Variants in SYNE1 observed in about 807,000 individuals in gnomAD.
SYNE1 encodes nesprin-1.
SYNE1 carries 616 observed loss-of-function variants against 1,111.0 expected under a neutral mutation model. The observed-to-expected ratio is 0.55, with a 90% CI of 0.52 to 0.59. The LOEUF (loss-of-function observed/expected upper bound fraction) is 0.59. Ranked by LOEUF, SYNE1 falls within the 20% of genes least tolerant of loss-of-function variation. The probability of loss-of-function intolerance (pLI) is 0.00; values close to 1 mark genes in which losing one functional copy is unlikely to be tolerated. For missense variants in SYNE1, 10,006 were observed against 10,417.0 expected, an observed-to-expected ratio of 0.96 and a Z score of 1.72; for synonymous variants, 3,855 against 3,825.8, an observed-to-expected ratio of 1.01 and a Z score of -0.28.
intron 126 of SYNE1, among the ~76,000 whole-genome samples, chr6:152,203,479 A>G (rs2075913053): frequency 1.3e-5 from 2 of 152,188 alleles, no homozygotes; most frequent in Non-Finnish European, 2.9e-5. Flanking sequence ...TACACCGTGA[A>G]TTACAGAATT....
Position 152,536,386 on chromosome 6 carries a change from A to ATT in SYNE1, c.129+3573_129+3574insAA, listed in dbSNP as rs1564709521. ...CTAATATATATATAGTAATATATAT[A>ATT]TATTTATATATATACTATATATAGT... is the stretch of plus-strand genomic sequence containing the variant. On this transcript the variant is annotated intron_variant, in intron 4 of 145. Transcript: ENST00000367255. 1.9e-3 allele frequency among the ~76,000 whole-genome samples: 230 copies of ATT among 120,646 alleles called. 1 individual carries two copies. Among genetic ancestry groups the ATT allele is most frequent in the African/African-American group, 6.2e-3 (212 of 34,326 alleles). The allele number at this position is 120,646 out of a possible 152,430, so 79.1% of individuals were successfully genotyped here.
chr6:152,325,121 T>C lies in SYNE1; in HGVS notation c.15620A>G (p.Glu5207Gly), dbSNP rs774518586. The C allele has an allele frequency of 5.0e-6, 8 of 1,614,080 alleles. No homozygotes were observed. Among genetic ancestry groups the C allele is most frequent in the Middle Eastern group, 1.6e-4 (1 of 6,072 alleles). ...AVAQDQEKIL[E>G]DAVDEWTGFN... Reference sequence around the variant, plus strand: ...GCCCGTCCACTCATCCACTGCATCTTCCAGGATCTTCTCCTGGTCCTGGGC... The same window carrying C: ...GCCCGTCCACTCATCCACTGCATCTCCCAGGATCTTCTCCTGGTCCTGGGC... Residue 5207 changes from glutamate to glycine, a missense_variant, in exon 81 of 146, where the codon GAA becomes GGA. Coordinates refer to ENST00000367255, the MANE Select transcript of SYNE1 (RefSeq NM_182961.4).
rs2097976668 is a variant in SYNE1 at position 152,409,565 on chromosome 6, A to C, written c.6375T>G (p.Phe2125Leu). The C allele has an allele frequency of 6.2e-7, 1 of 1,613,494 alleles. No individual in the cohort carries two copies. Among genetic ancestry groups the C allele is most frequent in the Non-Finnish European group, 8.5e-7 (1 of 1,179,938 alleles). Residue 2125 changes from phenylalanine to leucine, a missense_variant, in exon 43 of 146, where the codon TTT becomes TTG. By Grantham distance (22) the Phe-to-Leu change is conservative. Transcript: ENST00000367255. ...IKDQEDLKWA[F>L]SKHETAKNKM... ...AACACATTTTGAATTTTACCTTGGA[A>C]AAAGCCCATTTAAGATCCTCCTGAT...
At position 152,219,044 on chromosome 6, in the gene SYNE1, C is replaced by T. The variant is rs1029115177; in HGVS notation, c.22003G>A (p.Ala7335Thr). The T allele has an allele frequency of 1.9e-5, 30 of 1,614,128 alleles. No individual in the cohort carries two copies. The highest frequency in any genetic ancestry group is 2.5e-5 in the Non-Finnish European group (29 of 1,180,020). ...DQLSLSQHLC[A>T]LEQALCKQQT... is the part of the protein sequence containing the mutation. ...TGTTTGCAGAGAGCTTGCTCCAGGG[C>T]ACACAAGTGTTGACTCAAAGAGAGT... Residue 7335 changes from alanine (A) to threonine (T), a missense_variant, in exon 120 of 146, where the codon GCC becomes ACC. Ala to Thr is a moderately conservative substitution (Grantham distance 58). Transcript: ENST00000367255.
chr6:152,124,922 T>C (rs2747653), intron 145 of SYNE1, among the ~76,000 whole-genome samples: 30,663 of 152,146 alleles, frequency 0.2, 3,105 homozygotes, highest in Non-Finnish European at 0.21. Flanking sequence ...TCTGAGCATT[T>C]ATGTTGGGTT....
intron 106 of SYNE1, 117 bp from the exon 107 acceptor site, chr6:152,242,557 T>G: frequency 9.3e-7 from 1 of 1,080,952 alleles, no homozygotes; most frequent in Non-Finnish European, 1.4e-6. Context: ...CCTTCAGGGA[T>G]GTGCCTCCTG....
At chr6:152,387,466 C>G in intron 53 of SYNE1, 85 bp from the exon 54 acceptor site, 1 of 1,396,458 alleles carries the variant, frequency 7.2e-7, no homozygotes, top group Non-Finnish European at 1.0e-6. Context: ...ACATCCATGC[C>G]AATTGTTTTA....
rs539247387 is a variant in SYNE1, at chr6:152,258,866, G to A, written c.18973-2101C>T. Among the ~76,000 whole-genome samples, 27 of 151,378 alleles carry A rather than the reference G, an allele frequency of 1.8e-4. 1 individual carries two copies. Among genetic ancestry groups the A allele is most frequent in the South Asian group, 8.4e-4 (4 of 4,774 alleles). ...TTCAAGTGATTCTCCTGTCTCAGCC[G>A]CCTGAATAGCTTGGATTACAGGTGT... is the stretch of plus-strand genomic sequence containing the variant. On this transcript the variant is annotated intron_variant, in intron 101 of 145. Transcript: ENST00000367255.
chr6:152,404,814 A>G (rs1391506055), intron 45 of SYNE1: 2 of 153,622 alleles, frequency 1.3e-5, no homozygotes, highest in East Asian at 3.8e-4. Context: ...TCATTACGAT[A>G]TTGATACATA....
intron 140 of SYNE1, among the ~76,000 whole-genome samples, chr6:152,137,442 C>T (rs1046387117): frequency 2.6e-5 from 4 of 152,072 alleles, no homozygotes; most frequent in African/African-American, 9.7e-5. Context: ...GCTGAGAATA[C>T]TGCCTGTGCC....
intron 51 of SYNE1, among the ~76,000 whole-genome samples, chr6:152,394,726 C>T (rs1440445682): frequency 6.6e-6 from 1 of 151,132 alleles, no homozygotes; most frequent in Non-Finnish European, 1.5e-5. Context: ...GAACTGGAAG[C>T]TGAAATGTGT....
At chr6:152,297,788 TG>T (rs2094952311) in intron 93 of SYNE1, among the ~76,000 whole-genome samples, 2 of 63,094 alleles carry the variant, frequency 3.2e-5, no homozygotes, top group Non-Finnish European at 5.4e-5. Flanking sequence ...ACTCTGTGTG[TG>T]TGTGTGTGTG....
intron 136 of SYNE1, 34 bp downstream of exon 136, chr6:152,149,443 T>C: frequency 6.2e-7 from 1 of 1,613,052 alleles, no homozygotes; most frequent in South Asian, 1.1e-5. Context: ...TCTCTTTAGA[T>C]TTAATGACAA....
intron 40 of SYNE1, among the ~76,000 whole-genome samples, chr6:152,417,661 C>G (rs1365513067): frequency 6.6e-6 from 1 of 151,870 alleles, no homozygotes; most frequent in African/African-American, 2.4e-5. Context: ...TTAATTTTAA[C>G]ATTTTAAAGA....
intron 18 of SYNE1, 120 bp from the exon 19 acceptor site, chr6:152,463,637 A>T: frequency 1.1e-6 from 1 of 886,696 alleles, no homozygotes; most frequent in Admixed American, 2.1e-5. Flanking sequence ...TTTAAGATAA[A>T]TCACAAATCT....
At chr6:152,301,466 C>T (rs1329136644) in intron 92 of SYNE1, among the ~76,000 whole-genome samples, 1 of 152,164 alleles carries the variant, frequency 6.6e-6, no homozygotes, top group Non-Finnish European at 1.5e-5. Flanking sequence ...AGAGTACATG[C>T]ACATATGTAG....
At chr6:152,284,220 G>T in intron 95 of SYNE1, 48 bp from the exon 96 acceptor site, 2 of 1,590,508 alleles carry the variant, frequency 1.3e-6, no homozygotes, top group Non-Finnish European at 1.7e-6. Context: ...TTTCTTCACT[G>T]AGGGATCATT....
Position 152,455,467 on chromosome 6 carries a change from C to T in SYNE1, c.2851G>A (p.Glu951Lys). 1 of 1,614,168 alleles carries T rather than the reference C, an allele frequency of 6.2e-7. No homozygotes were observed. Among genetic ancestry groups the T allele is most frequent in the Non-Finnish European group, 8.5e-7 (1 of 1,180,010 alleles). Residue 951 changes from glutamate to lysine, a missense_variant, in exon 24 of 146, where the codon GAG (glutamate) becomes AAG (lysine). This residue lies in a region of SYNE1 where 1,971 missense variants were observed against 2,084.1 expected (regional missense o/e 0.95). Coordinates refer to ENST00000367255, the MANE Select transcript of SYNE1 (RefSeq NM_182961.4). The part of the protein sequence containing the change: ...KVLRIAQEGL[E>K]EKGDPEELLR... ...AGCTCCTCTGGATCCCCCTTTTCCT[C>T]CAGGCCCTCCTGAGCAATCCGCAGT...
chr6:152,216,047 G>A (rs1018817344), intron 121 of SYNE1, among the ~76,000 whole-genome samples: 2 of 152,100 alleles, frequency 1.3e-5, no homozygotes, highest in African/African-American at 4.8e-5. Context: ...TTTCCCATGG[G>A]TATCCTTATC....
Sources: allele counts gnomAD v4.1 joint callset (sites outside exome capture counted in the v4.1 genomes callset), GRCh38; gene constraint gnomAD v4.1.1; regional missense constraint gnomAD v4.1.1; transcripts MANE v1.5; gene names NCBI Gene and HGNC (gene_info 2026-07-23, HGNC 2026-07-21).